RABGEF1: variants seen among roughly 807,000 people sequenced by gnomAD.
The protein encoded by RABGEF1 is rab5 GDP/GTP exchange factor.
Under a neutral mutation model 57.3 loss-of-function variants are expected in RABGEF1, and 26 were observed. That is an observed-to-expected ratio of 0.45 (90% CI 0.33 to 0.63). RABGEF1 has a LOEUF of 0.63. RABGEF1 is among the 20% of genes least tolerant of loss of function. The pLI is 0.02. For synonymous variants in RABGEF1, 185 were observed against 210.7 expected (o/e 0.88, Z 1.06); for missense variants, 464 against 607.6 (o/e 0.76, Z 2.48).
chr7:66,677,533 C>T (rs1262000833), upstream of RABGEF1, among the ~76,000 whole-genome samples: 1 of 151,850 alleles, frequency 6.6e-6, no homozygotes, highest in Non-Finnish European at 1.5e-5. Flanking sequence ...GAGGCCGAGG[C>T]GGGCGGATCA....
chr7:66,728,951 C>CTTTT (rs1208215962), intron 2 of RABGEF1, among the ~76,000 whole-genome samples: 1 of 136,290 alleles, frequency 7.3e-6, no homozygotes. Context: ...TTCACCTCCA[C>CTTTT]TTTTTTTTTT....
At chr7:66,764,401 T>G (rs1163194271) in intron 1 of RABGEF1, among the ~76,000 whole-genome samples, 1 of 152,204 alleles carries the variant, frequency 6.6e-6, no homozygotes, top group Non-Finnish European at 1.5e-5. Context: ...TGTTTTCTCT[T>G]ATTCTGTGGG....
At chr7:66,730,557 C>CTTTTT (rs888301191) in intron 2 of RABGEF1, among the ~76,000 whole-genome samples, 2 of 130,834 alleles carry the variant, frequency 1.5e-5, no homozygotes, top group Non-Finnish European at 1.7e-5. Flanking sequence ...GTTTCTTTTT[C>CTTTTT]TTTTTTTTTT....
rs1807237430 is a variant in RABGEF1 at position 66,771,865 on chromosome 7, A to ACTTTC, written c.-17-17_-17-13dup. On this transcript the variant is annotated splice_polypyrimidine_tract_variant and intron_variant, in intron 1 of 8. Transcript: ENST00000284957. ...AGAATGATAATTCATTTTCAACAGC[A>ACTTTC]CTTTCTTGTTTGTTCAGTGGTTAGC... 1 of 1,396,070 alleles carries ACTTTC rather than the reference A, an allele frequency of 7.2e-7. No homozygotes were observed. The highest frequency in any genetic ancestry group is 1.5e-5 in the African/African-American group (1 of 67,462). The allele number at this position is 1,396,070 out of a possible 1,614,324, so 86.5% of individuals were successfully genotyped here. A position where few individuals can be genotyped will look rare whatever the true frequency, so the allele number is the denominator to read the frequency against.
chr7:66,726,529 AG>A (rs1796602212), intron 2 of RABGEF1, among the ~76,000 whole-genome samples: 1 of 151,964 alleles, frequency 6.6e-6, no homozygotes, highest in South Asian at 2.1e-4. Flanking sequence ...ACTCCTGGCT[AG>A]TTTTTAAATT....
intron 1 of RABGEF1, among the ~76,000 whole-genome samples, chr7:66,746,584 C>T (rs1283312890): frequency 6.7e-6 from 1 of 149,898 alleles, no homozygotes; most frequent in Admixed American, 6.7e-5. Flanking sequence ...CCACCGTGCC[C>T]GGCAGGAAGT....
intron 2 of RABGEF1, among the ~76,000 whole-genome samples, chr7:66,724,957 G>C (rs1796437270): frequency 6.6e-6 from 1 of 151,978 alleles, no homozygotes; most frequent in Non-Finnish European, 1.5e-5. Context: ...TTTTATCTTA[G>C]ACATTATGTT....
the RABGEF1 span, among the ~76,000 whole-genome samples, chr7:66,676,467 A>G: frequency 6.6e-6 from 1 of 152,130 alleles, no homozygotes; most frequent in East Asian, 1.9e-4. Context: ...TGGGTTTCAC[A>G]TTGGGCAAAT....
At position 66,795,592 on chromosome 7, in the gene RABGEF1, G is replaced by A; in HGVS notation, c.595G>A (p.Val199Met). 6.3e-7 allele frequency: 1 copy of A among 1,598,928 alleles called. No homozygotes were observed. The highest frequency in any genetic ancestry group is 8.6e-7 in the Non-Finnish European group (1 of 1,166,160). ...CGAAAGGATGCAAACTCGTGGGAAA[G>A]GTAACACTGTTAGCCATTGAGAGAT... ...VAERMQTRGK[V>M]PPERVEKIMD... is the part of the protein sequence containing the mutation. Residue 199 changes from valine (V) to methionine (M), a missense_variant and splice_region_variant, in exon 5 of 9, where the codon GTG becomes ATG. Physicochemically the swap from Val to Met is conservative, Grantham distance 21 (BLOSUM62 1). Coordinates refer to ENST00000284957, the MANE Select transcript of RABGEF1 (RefSeq NM_014504.3).
the RABGEF1 span, among the ~76,000 whole-genome samples, chr7:66,667,987 A>G: frequency 6.6e-6 from 1 of 152,052 alleles, no homozygotes; most frequent in East Asian, 1.9e-4. Flanking sequence ...TAGTAGAGAC[A>G]GGGTTTCACC....
intron 1 of RABGEF1, among the ~76,000 whole-genome samples, chr7:66,755,263 C>A (rs1726894281): frequency 6.6e-6 from 1 of 151,720 alleles, no homozygotes; most frequent in Admixed American, 6.6e-5. Flanking sequence ...CACTGCACTC[C>A]AGCCTGGGCA....
intron 2 of RABGEF1, among the ~76,000 whole-genome samples, chr7:66,773,144 A>G (rs1208183131): frequency 6.7e-6 from 1 of 149,730 alleles, no homozygotes; most frequent in South Asian, 2.1e-4. Flanking sequence ...TGTCATTTGT[A>G]GTGAACTCAG....
At chr7:66,755,676 G>T (rs774994885) in intron 1 of RABGEF1, among the ~76,000 whole-genome samples, 1 of 152,162 alleles carries the variant, frequency 6.6e-6, no homozygotes, top group African/African-American at 2.4e-5. Context: ...ACGGTAGCCA[G>T]ATTATCTTGT....
At chr7:66,674,870 C>T in the RABGEF1 span, among the ~76,000 whole-genome samples, 11 of 150,922 alleles carry the variant, frequency 7.3e-5, no homozygotes, top group Admixed American at 1.3e-4. Flanking sequence ...GGTGGTTGGA[C>T]GGGAATATTC....
intron 3 of RABGEF1, 78 bp from the exon 4 acceptor site, chr7:66,783,597 T>G (rs1810469210): frequency 8.0e-7 from 1 of 1,251,654 alleles, no homozygotes; most frequent in Non-Finnish European, 1.1e-6. Flanking sequence ...TTAAATAACC[T>G]TAGGTAAGAT....
chr7:66,675,093 G>C, the RABGEF1 span, among the ~76,000 whole-genome samples: 1 of 152,058 alleles, frequency 6.6e-6, no homozygotes, highest in Admixed American at 6.6e-5. Context: ...CTCTGTGCCA[G>C]CGATTTTCTA....
chr7:66,735,734 C>A (rs1210910347), upstream of RABGEF1, among the ~76,000 whole-genome samples: 1 of 152,114 alleles, frequency 6.6e-6, no homozygotes, highest in Non-Finnish European at 1.5e-5. Flanking sequence ...GCCTGCTTTT[C>A]CTTCATCCTT....
intron 7 of RABGEF1, among the ~76,000 whole-genome samples, chr7:66,801,782 C>T (rs1247300473): frequency 6.6e-6 from 1 of 152,212 alleles, no homozygotes; most frequent in African/African-American, 2.4e-5. Flanking sequence ...TGTTGACAGA[C>T]ACCCTTTCCC....
the RABGEF1 span, among the ~76,000 whole-genome samples, chr7:66,663,785 T>C: frequency 6.6e-6 from 1 of 151,294 alleles, no homozygotes; most frequent in Admixed American, 6.6e-5. Flanking sequence ...ATAAAACTAG[T>C]GTGAATCGCT....
Sources: allele counts gnomAD v4.1 joint callset (sites outside exome capture counted in the v4.1 genomes callset), GRCh38; gene constraint gnomAD v4.1.1; transcripts MANE v1.5; gene names NCBI Gene and HGNC (gene_info 2026-07-23, HGNC 2026-07-21).